Variants in LVRN observed in about 807,000 individuals in gnomAD.
LVRN encodes the protein aminopeptidase Q.
A neutral mutation model predicts 111.4 loss-of-function variants in LVRN; 99 were observed. That is an observed-to-expected ratio of 0.89 (90% CI 0.76 to 1.05). The LOEUF is 1.05. Ranked by LOEUF, LVRN falls within the 50% of genes least tolerant of loss-of-function variation. The pLI, the probability that LVRN is intolerant of heterozygous loss-of-function variation, is 0.00. For missense variants in LVRN, 1,414 were observed against 1,206.8 expected, an observed-to-expected ratio of 1.17 and a Z score of -2.54; for synonymous variants, 488 against 449.5, an observed-to-expected ratio of 1.09 and a Z score of -1.08.
intron 15 of LVRN, among the ~76,000 whole-genome samples, chr5:116,013,636 G>C (rs1020072288): frequency 1.3e-5 from 2 of 152,038 alleles, no homozygotes; most frequent in Admixed American, 1.3e-4. Flanking sequence ...TTCCTCTTCA[G>C]CTTATCAGAA....
At position 115,995,439 on chromosome 5, in the gene LVRN, C is replaced by T. The variant is rs148793245; in HGVS notation, c.1374+1585C>T. ...TATAAGGTCCCCAGCCCAGTCACTCCGCAGTGCCTCTCTCTTCCTCCCCAT... is the reference window on the plus strand; with the variant it reads ...TATAAGGTCCCCAGCCCAGTCACTCTGCAGTGCCTCTCTCTTCCTCCCCAT... On this transcript the variant is annotated intron_variant, in intron 6 of 19. Coordinates refer to ENST00000357872, the MANE Select transcript of LVRN (RefSeq NM_173800.5). 9.3e-3 allele frequency: 1,424 copies of T among 152,586 alleles called. 12 individuals carry two copies. Among genetic ancestry groups the T allele is most frequent in the Middle Eastern group, 0.017 (5 of 298 alleles). The allele number at this position is 152,586 out of a possible 1,614,324, so 9.5% of individuals were successfully genotyped here.
rs1485272754 is a variant in LVRN at position 115,993,778 on chromosome 5, A to G, written c.1298A>G (p.Asn433Ser). 1.1e-5 allele frequency: 18 copies of G among 1,610,770 alleles called. No individual in the cohort carries two copies. The highest frequency in any genetic ancestry group is 1.1e-5 in the Non-Finnish European group (13 of 1,179,110). The change falls in exon 6 of 20, where the codon AAT (asparagine) becomes AGT (serine). Residue 433 changes from asparagine to serine, a missense_variant. Transcript: ENST00000357872. Reference sequence around the variant, plus strand: ...TTGGTTACCATGAATTGGTGGAACAATATCTGGCTCAACGAGGGTTTTGCA... The same window carrying G: ...TTGGTTACCATGAATTGGTGGAACAGTATCTGGCTCAACGAGGGTTTTGCA... ...GNLVTMNWWN[N>S]IWLNEGFASY...
At chr5:116,025,384 T>C (rs1407004272) in intron 19 of LVRN, among the ~76,000 whole-genome samples, 1 of 152,148 alleles carries the variant, frequency 6.6e-6, no homozygotes, top group Non-Finnish European at 1.5e-5. Flanking sequence ...AAAATGAAAA[T>C]TGAAAAAACT....
chr5:115,962,938 C>T lies in LVRN; in HGVS notation c.321C>T (p.Tyr107=). The T allele has an allele frequency of 6.2e-7, 1 of 1,613,032 alleles. No individual in the cohort carries two copies. Among genetic ancestry groups the T allele is most frequent in the Non-Finnish European group, 8.5e-7 (1 of 1,179,784 alleles). Residue 107 remains tyrosine, a synonymous_variant, in exon 1 of 20, where the codon TAC becomes TAT. Transcript: ENST00000357872. ...RLPPWLVPLH[Y]DLELWPQLRP... ...CGCCCTGGCTCGTGCCGCTGCACTACGATCTGGAGCTGTGGCCGCAGCTGA... is the reference window on the plus strand; with the variant it reads ...CGCCCTGGCTCGTGCCGCTGCACTATGATCTGGAGCTGTGGCCGCAGCTGA...
chr5:115,980,706 C>CTTTA (rs1465993522), intron 1 of LVRN, among the ~76,000 whole-genome samples: 1 of 152,076 alleles, frequency 6.6e-6, no homozygotes, highest in Non-Finnish European at 1.5e-5. Context: ...TATGATCAAG[C>CTTTA]TTTACTTCCT....
intron 6 of LVRN, among the ~76,000 whole-genome samples, chr5:115,998,638 G>A (rs1051377100): frequency 3.9e-5 from 6 of 152,170 alleles, no homozygotes; most frequent in African/African-American, 1.4e-4. Context: ...GACCTATGCA[G>A]ATGACTCCTC....
chr5:115,988,297 G>A (rs1022096244), intron 4 of LVRN, among the ~76,000 whole-genome samples: 2 of 151,276 alleles, frequency 1.3e-5, no homozygotes, highest in Admixed American at 1.3e-4. Flanking sequence ...TTTAGCTAGC[G>A]GGCTTTCAGA....
At chr5:116,021,175 C>T (rs1748721015) in intron 18 of LVRN, 1 of 152,120 alleles carries the variant, frequency 6.6e-6, no homozygotes, top group Admixed American at 6.6e-5. Flanking sequence ...TGTTATTCTC[C>T]ATTTTTACAA....
rs1324568086 is a variant in LVRN, at chr5:116,000,428, C to T, written c.1516-5C>T. The T allele has an allele frequency of 5.0e-6, 8 of 1,614,000 alleles. No homozygotes were observed. Among genetic ancestry groups the T allele is most frequent in the Non-Finnish European group, 5.9e-6 (7 of 1,179,922 alleles). On this transcript the variant is annotated splice_polypyrimidine_tract_variant and splice_region_variant and intron_variant, in intron 7 of 19. Transcript: ENST00000357872. Reference sequence around the variant, plus strand: ...TCAAATAATGGACAGCTTCTTTTGTCCTAGGGAGCGTCTATGGCCCGGATG... The same window carrying T: ...TCAAATAATGGACAGCTTCTTTTGTTCTAGGGAGCGTCTATGGCCCGGATG...
In LVRN at chr5:115,987,919, G is replaced by A; in HGVS notation, c.1085G>A (p.Ser362Asn). ...FSFLEDLFNI[S>N]YSLPKTDIIA... ...TTTCTGGAGGATTTGTTTAATATCA[G>A]TTACTCTCTTCCAAAAACAGGTGAG... Residue 362 changes from serine to asparagine, a missense_variant, in exon 4 of 20, where the codon AGT (serine) becomes AAT (asparagine). Ser to Asn is a conservative substitution (Grantham distance 46). Coordinates refer to ENST00000357872, the MANE Select transcript of LVRN (RefSeq NM_173800.5). The A allele has an allele frequency of 6.2e-7, 1 of 1,611,124 alleles. No homozygotes were observed. The highest frequency in any genetic ancestry group is 8.5e-7 in the Non-Finnish European group (1 of 1,179,074).
In LVRN at chr5:116,022,473, A is replaced by T. The variant is rs748406828; in HGVS notation, c.2832+7A>T. The T allele has an allele frequency of 2.3e-5, 35 of 1,513,144 alleles. No individual in the cohort carries two copies. Among genetic ancestry groups the T allele is most frequent in the Non-Finnish European group, 3.2e-5 (35 of 1,109,468 alleles). 93.7% of individuals were successfully genotyped at this position (1,513,144 alleles called of 1,614,324 possible). A position where few individuals can be genotyped will look rare whatever the true frequency, so the allele number is the denominator to read the frequency against. ...AGATTTACAGATTGTGGAGGTAAGT[A>T]CTTTAAATATTATGAAATACAATGA... On this transcript the variant is annotated splice_region_variant and intron_variant, in intron 19 of 19. Transcript: ENST00000357872.
At position 116,005,951 on chromosome 5, in the gene LVRN, G is replaced by A; in HGVS notation, c.2077G>A (p.Ala693Thr). The change falls in exon 13 of 20, where the codon GCC (alanine) becomes ACC (threonine). Residue 693 changes from alanine to threonine, a missense_variant. Coordinates refer to ENST00000357872, the MANE Select transcript of LVRN (RefSeq NM_173800.5). ...VIHRLQLIDD[A>T]FSLSKNNYIE... is the part of the protein sequence containing the mutation. ...TCACAGACTGCAGTTGATTGATGAT[G>A]CCTTTTCCTTGTCTAAGTGAGTATA... 2 of 1,593,296 alleles carry A rather than the reference G, an allele frequency of 1.3e-6. No individual in the cohort carries two copies. The highest frequency in any genetic ancestry group is 1.7e-6 in the Non-Finnish European group (2 of 1,161,304).
intron 4 of LVRN, among the ~76,000 whole-genome samples, chr5:115,991,224 C>G (rs770302450): frequency 3.2e-4 from 48 of 152,190 alleles, no homozygotes; most frequent in Non-Finnish European, 5.4e-4. Context: ...CCCCGAATCC[C>G]TGACAACCAC....
At position 115,999,712 on chromosome 5, in the gene LVRN, T is replaced by C. The variant is rs116195667; in HGVS notation, c.1375-50T>C. 5.8e-4 allele frequency: 919 copies of C among 1,586,888 alleles called. 3 individuals are homozygous for C. The African/African-American group carries it at 0.011, about 19-fold the overall frequency. On this transcript the variant is annotated intron_variant, in intron 6 of 19. Transcript: ENST00000357872. Reference sequence around the variant, plus strand: ...GTATTTTAGGGCCATAGAATTTTGGTCTTCTGTGACACCTCAGGAGTTAAT... The same window carrying C: ...GTATTTTAGGGCCATAGAATTTTGGCCTTCTGTGACACCTCAGGAGTTAAT...
At chr5:115,974,433 G>C (rs1041655625) in intron 1 of LVRN, 3 of 152,224 alleles carry the variant, frequency 2.0e-5, no homozygotes, top group Non-Finnish European at 2.9e-5. Context: ...CCTAGTTTAT[G>C]AAAGCAGGCA....
intron 19 of LVRN, among the ~76,000 whole-genome samples, chr5:116,023,146 C>T (rs1247663666): frequency 6.6e-6 from 1 of 152,144 alleles, no homozygotes; most frequent in Non-Finnish European, 1.5e-5. Context: ...ATTTATACCC[C>T]CTCCTCGCCT....
chr5:115,977,515 C>A, intron 1 of LVRN, among the ~76,000 whole-genome samples: 1 of 152,146 alleles, frequency 6.6e-6, no homozygotes. Context: ...ATGTTACTCC[C>A]TGTGGTGGCA....
intron 18 of LVRN, among the ~76,000 whole-genome samples, chr5:116,016,257 T>A (rs190335426): frequency 6.6e-6 from 1 of 152,324 alleles, no homozygotes; most frequent in African/African-American, 2.4e-5. Context: ...TAACTAAAAT[T>A]TTATTTATAG....
intron 18 of LVRN, 110 bp from the exon 19 acceptor site, chr5:116,022,281 G>A (rs925298155): frequency 4.2e-6 from 3 of 717,862 alleles, no homozygotes; most frequent in African/African-American, 1.8e-5. Flanking sequence ...TTAGATTTGT[G>A]ACATAGGAAT....
Sources: gnomAD v4.1 joint callset for allele counts (sites outside exome capture counted in the v4.1 genomes callset) on GRCh38, gnomAD v4.1.1 for gene constraint, MANE v1.5 for transcripts, NCBI Gene and HGNC (gene_info 2026-07-23, HGNC 2026-07-21) for gene names.